The following SNRNP70 variants were observed in gnomAD, a reference collection of about 807,000 sequenced individuals.
SNRNP70 encodes the protein small nuclear ribonucleoprotein U1 subunit 70.
In SNRNP70, 8 loss-of-function variants were observed where a neutral mutation model predicts 50.5. The observed-to-expected ratio is 0.16, with a 90% CI of 0.09 to 0.29. The LOEUF is 0.29. Among genes scored for constraint, SNRNP70 ranks in the 10% least tolerant of loss-of-function variants. SNRNP70 has a pLI of 1.00. For missense variants in SNRNP70, 529 were observed against 663.5 expected, an observed-to-expected ratio of 0.80 and a Z score of 2.23; for synonymous variants, 320 against 252.9, an observed-to-expected ratio of 1.27 and a Z score of -2.52.
chr19:49,103,285 C>G (rs1159518168), intron 7 of SNRNP70: 1 of 152,508 alleles, frequency 6.6e-6, no homozygotes, highest in Non-Finnish European at 1.5e-5. Flanking sequence ...CTCCCCCACT[C>G]TAAGGCCTCC....
chr19:49,089,832 T>C (rs1407291560), intron 2 of SNRNP70, among the ~76,000 whole-genome samples: 1 of 151,434 alleles, frequency 6.6e-6, no homozygotes, highest in African/African-American at 2.4e-5. Context: ...CCGGCTAATT[T>C]TTTGTATTTT....
rs146084636 is a variant in SNRNP70, at chr19:49,094,034, CAAGT to C, written c.265+3519_265+3522del. On this transcript the variant is annotated intron_variant, in intron 4 of 9. Coordinates refer to ENST00000598441, the MANE Select transcript of SNRNP70 (RefSeq NM_003089.6). ...GCAAGACTCCTTCTCAAAAAACAAA[CAAGT>C]AAGTTCCAATTGGGCGAACAAAAAA... Among the ~76,000 whole-genome samples, 305 of 152,058 alleles carry C rather than the reference CAAGT, an allele frequency of 2.0e-3. 1 individual carries two copies. Among genetic ancestry groups the C allele is most frequent in the Middle Eastern group, 0.017 (5 of 294 alleles).
In SNRNP70 at chr19:49,107,188, G is replaced by A. The variant is rs1270905637; in HGVS notation, c.578-437G>A. Reference sequence around the variant, plus strand: ...CGCGGCTCAGACGCTAGCAGGGCCCGCTCTTGCTGCCTCTACCACCAGTTG... The same window carrying A: ...CGCGGCTCAGACGCTAGCAGGGCCCACTCTTGCTGCCTCTACCACCAGTTG... On this transcript the variant is annotated intron_variant, in intron 8 of 9. Transcript: ENST00000598441. This position sits in a 1 kb window ranked among gnomAD's most constrained non-coding sequence, Gnocchi z 6.0. 2.0e-5 allele frequency among the ~76,000 whole-genome samples: 3 copies of A among 152,194 alleles called. No homozygotes were observed. The highest frequency in any genetic ancestry group is 6.5e-5 in the Admixed American group (1 of 15,280).
intron 4 of SNRNP70, among the ~76,000 whole-genome samples, chr19:49,094,737 G>A (rs1399197330): frequency 2.0e-5 from 3 of 152,196 alleles, no homozygotes; most frequent in Non-Finnish European, 4.4e-5. Context: ...AACAGCTCCC[G>A]TCAAGGGGAC....
chr19:49,094,097 G>T (rs1235043963), intron 4 of SNRNP70, among the ~76,000 whole-genome samples: 1 of 152,220 alleles, frequency 6.6e-6, no homozygotes, highest in African/African-American at 2.4e-5. Flanking sequence ...CTGGATCATA[G>T]ATGAGGTTAA....
rs1287897144 is a variant in SNRNP70 at position 49,104,316 on chromosome 19, C to T, written c.476-318C>T. 4 of 305,354 alleles carry T rather than the reference C, an allele frequency of 1.3e-5. No individual in the cohort carries two copies. The highest frequency in any genetic ancestry group is 2.5e-5 in the Non-Finnish European group (4 of 162,492). The allele number at this position is 305,354 out of a possible 1,614,324, so 18.9% of individuals were successfully genotyped here. A position where few individuals can be genotyped will look rare whatever the true frequency, so the allele number is the denominator to read the frequency against. ...TCAGTTTCTTTGCAGCGATTTTGGCCGCCCTGGCGGGAGGGGGCTGTTCCA... is the reference window on the plus strand; with the variant it reads ...TCAGTTTCTTTGCAGCGATTTTGGCTGCCCTGGCGGGAGGGGGCTGTTCCA... On this transcript the variant is annotated intron_variant, in intron 7 of 9. Transcript: ENST00000598441. The surrounding 1 kb of genome is among the most constrained non-coding windows in gnomAD (Gnocchi z 5.4).
At chr19:49,103,656 A>T (rs2040621669) in intron 7 of SNRNP70, 1 of 151,800 alleles carries the variant, frequency 6.6e-6, no homozygotes, top group Non-Finnish European at 1.5e-5. Context: ...GGGGCAGGGT[A>T]TTACGGTTGG....
chr19:49,104,598 ACTCCT>A lies in SNRNP70; in HGVS notation c.476-31_476-27del, dbSNP rs1302182819. ...GTCCTGACTAGAGGACCCTCTGGGG[ACTCCT>A]CTCCCCTCCCCCTCCCCACATCTGT... On this transcript the variant is annotated intron_variant, in intron 7 of 9. Coordinates refer to ENST00000598441, the MANE Select transcript of SNRNP70 (RefSeq NM_003089.6). This position sits in a 1 kb window ranked among gnomAD's most constrained non-coding sequence, Gnocchi z 5.4. 2.0e-6 allele frequency: 3 copies of A among 1,475,620 alleles called. No individual in the cohort carries two copies. Among genetic ancestry groups the A allele is most frequent in the Admixed American group, 4.0e-5 (2 of 50,462 alleles). 91.4% of individuals were successfully genotyped at this position (1,475,620 alleles called of 1,614,324 possible).
chr19:49,086,720 G>A (rs1026354173), intron 2 of SNRNP70, among the ~76,000 whole-genome samples, 159 bp downstream of exon 2: 4 of 151,996 alleles, frequency 2.6e-5, no homozygotes, highest in Non-Finnish European at 4.4e-5. Context: ...GGTTGGAGCC[G>A]GGTGTCGGGT....
At chr19:49,095,267 C>G (rs763398174) in intron 4 of SNRNP70, among the ~76,000 whole-genome samples, 2 of 152,234 alleles carry the variant, frequency 1.3e-5, no homozygotes, top group Admixed American at 6.5e-5. Flanking sequence ...GTTTGGCCTT[C>G]GTCCACTCCC....
chr19:49,085,935 C>G (rs182077114), intron 1 of SNRNP70, among the ~76,000 whole-genome samples: 1 of 152,360 alleles, frequency 6.6e-6, no homozygotes, highest in Non-Finnish European at 1.5e-5. Flanking sequence ...GGGTCCAGGT[C>G]TGTTACCCAC....
intron 4 of SNRNP70, among the ~76,000 whole-genome samples, chr19:49,094,871 T>G (rs140570806): frequency 6.6e-6 from 1 of 152,298 alleles, no homozygotes; most frequent in East Asian, 1.9e-4. Flanking sequence ...GCAAGCACGC[T>G]TCCAAAGAGT....
chr19:49,095,485 TCTC>T (rs920139763), intron 4 of SNRNP70, among the ~76,000 whole-genome samples: 1 of 151,924 alleles, frequency 6.6e-6, no homozygotes, highest in Non-Finnish European at 1.5e-5. Flanking sequence ...GATCATAGGA[TCTC>T]CTTATTTACC....
intron 4 of SNRNP70, 95 bp from the exon 5 acceptor site, chr19:49,098,327 AATGCC>A (rs1470282285): frequency 1.0e-6 from 1 of 978,166 alleles, no homozygotes; most frequent in Non-Finnish European, 1.6e-6. Context: ...GGCCTCTCCC[AATGCC>A]ACCGTTTTCT....
At chr19:49,097,087 G>A (rs933676843) in intron 4 of SNRNP70, among the ~76,000 whole-genome samples, 7 of 151,808 alleles carry the variant, frequency 4.6e-5, no homozygotes, top group South Asian at 2.1e-4. Flanking sequence ...ACGAGATTGC[G>A]CCATTGCACT....
In SNRNP70 at chr19:49,107,735, C is replaced by A; in HGVS notation, c.665+23C>A. 1 of 1,613,572 alleles carries A rather than the reference C, an allele frequency of 6.2e-7. No individual in the cohort carries two copies. The highest frequency in any genetic ancestry group is 1.1e-5 in the South Asian group (1 of 91,048). Reference sequence around the variant, plus strand: ...GAGGTAAGATTGGGCGACCGGTGTCCTGGGGTGGGGGGCGGTCACGGGGGG... The same window carrying A: ...GAGGTAAGATTGGGCGACCGGTGTCATGGGGTGGGGGGCGGTCACGGGGGG... On this transcript the variant is annotated intron_variant, in intron 9 of 9. Transcript: ENST00000598441. The surrounding 1 kb of genome is among the most constrained non-coding windows in gnomAD (Gnocchi z 6.0).
rs917411836 is a variant in SNRNP70, at chr19:49,104,689, C to T, written c.531C>T (p.Asp177=). ...KKIDGRRVLV[D]VERGRTVKGW... ...TTGATGGCAGGAGGGTCCTTGTGGACGTGGAGAGGGGCCGAACCGTGAAGG... is the reference window on the plus strand; with the variant it reads ...TTGATGGCAGGAGGGTCCTTGTGGATGTGGAGAGGGGCCGAACCGTGAAGG... Residue 177 remains aspartate (D), a synonymous_variant, in exon 8 of 10, where the codon GAC becomes GAT. Coordinates refer to ENST00000598441, the MANE Select transcript of SNRNP70 (RefSeq NM_003089.6). The surrounding 1 kb of genome is among the most constrained non-coding windows in gnomAD (Gnocchi z 5.4). 27 of 1,560,920 alleles carry T rather than the reference C, an allele frequency of 1.7e-5. No homozygotes were observed. Among genetic ancestry groups the T allele is most frequent in the South Asian group, 3.5e-5 (3 of 84,596 alleles).
rs1222972517 is a variant in SNRNP70, at chr19:49,085,502, C to G, written c.-145C>G. ...GCTGAGCAGCGGCCTGGTGCGCTCG[C>G]TTAGCGGGCGACGGAATCAGACGGA... On this transcript the variant is annotated 5_prime_UTR_variant, in exon 1 of 10. Transcript: ENST00000598441. 2.0e-5 allele frequency: 9 copies of G among 454,154 alleles called. No individual in the cohort carries two copies. Among genetic ancestry groups the G allele is most frequent in the African/African-American group, 1.8e-4 (9 of 49,996 alleles). The allele number at this position is 454,154 out of a possible 1,614,324, so 28.1% of individuals were successfully genotyped here. A position where few individuals can be genotyped will look rare whatever the true frequency, so the allele number is the denominator to read the frequency against.
chr19:49,108,565 TG>T lies in SNRNP70; in HGVS notation c.*124del. 8.0e-7 allele frequency: 1 copy of T among 1,256,228 alleles called. No homozygotes were observed. Among genetic ancestry groups the T allele is most frequent in the Non-Finnish European group, 1.1e-6 (1 of 932,418 alleles). 77.8% of individuals were successfully genotyped at this position (1,256,228 alleles called of 1,614,324 possible). On this transcript the variant is annotated 3_prime_UTR_variant, in exon 10 of 10. Coordinates refer to ENST00000598441, the MANE Select transcript of SNRNP70 (RefSeq NM_003089.6). ...CCAAGGGTAGGTGTCTCATTTGTTCTGGCCCCTTGGATTTAAAAATAAAATT... is the reference window on the plus strand; with the variant it reads ...CCAAGGGTAGGTGTCTCATTTGTTCTGCCCCTTGGATTTAAAAATAAAATT...
Sources: allele counts gnomAD v4.1 joint callset (sites outside exome capture counted in the v4.1 genomes callset), GRCh38; gene constraint gnomAD v4.1.1; non-coding constraint Gnocchi (gnomAD v3.1); transcripts MANE v1.5; gene names NCBI Gene and HGNC (gene_info 2026-07-23, HGNC 2026-07-21).